Variants in SFMBT1 observed in about 807,000 individuals in gnomAD.
SFMBT1 encodes scm-like with four MBT domains protein 1.
A neutral mutation model predicts 108.7 loss-of-function variants in SFMBT1; 32 were observed. The ratio of observed to expected loss-of-function variants is 0.29; its 90% CI spans 0.22 to 0.40. SFMBT1 has a LOEUF of 0.40. Ranked by LOEUF, SFMBT1 falls within the 10% of genes least tolerant of loss-of-function variation. The pLI, the probability that SFMBT1 is intolerant of heterozygous loss-of-function variation, is 1.00. For missense variants in SFMBT1, 816 were observed against 1,059.6 expected (o/e 0.77, Z 3.19); for synonymous variants, 348 against 369.5 (o/e 0.94, Z 0.67).
intron 1 of SFMBT1, among the ~76,000 whole-genome samples, chr3:52,988,702 C>T (rs1005899426): frequency 3.9e-5 from 6 of 152,056 alleles, no homozygotes; most frequent in East Asian, 3.8e-4. Context: ...AGATGTACTA[C>T]GTAACACATT....
At chr3:53,025,650 G>A (rs1699465785) in intron 1 of SFMBT1, among the ~76,000 whole-genome samples, 1 of 152,042 alleles carries the variant, frequency 6.6e-6, no homozygotes, top group South Asian at 2.1e-4. Flanking sequence ...ACACTGTGAT[G>A]GAAATATTTC....
At chr3:52,921,893 G>A (rs1702530363) in intron 10 of SFMBT1, 62 bp from the exon 11 acceptor site, 2 of 1,549,686 alleles carry the variant, frequency 1.3e-6, no homozygotes, top group Admixed American at 3.4e-5. Flanking sequence ...CACGTGCTCA[G>A]CTAGAAAACC....
At chr3:53,038,134 G>C (rs1575455249) in intron 1 of SFMBT1, among the ~76,000 whole-genome samples, 1 of 152,076 alleles carries the variant, frequency 6.6e-6, no homozygotes, top group Non-Finnish European at 1.5e-5. Context: ...AAATTAGCCA[G>C]GTGCTGGGGC....
intron 1 of SFMBT1, among the ~76,000 whole-genome samples, chr3:52,989,912 A>G (rs1705062461): frequency 6.6e-6 from 1 of 152,258 alleles, no homozygotes; most frequent in Non-Finnish European, 1.5e-5. Flanking sequence ...ACAAGAATTT[A>G]AAACTTCATT....
intron 3 of SFMBT1, among the ~76,000 whole-genome samples, chr3:52,945,247 G>T (rs928466306): frequency 6.6e-6 from 1 of 151,110 alleles, no homozygotes; most frequent in African/African-American, 2.4e-5. Context: ...GTAAGGAAAT[G>T]ATCAAAAAAT....
At chr3:52,962,132 A>C (rs1444723334) in intron 2 of SFMBT1, among the ~76,000 whole-genome samples, 2 of 152,278 alleles carry the variant, frequency 1.3e-5, no homozygotes, top group African/African-American at 4.8e-5. Flanking sequence ...GTGAGGCTGT[A>C]AACAGGTAAA....
intron 17 of SFMBT1, among the ~76,000 whole-genome samples, chr3:52,910,678 G>A (rs552583486): frequency 3.3e-5 from 5 of 152,122 alleles, no homozygotes; most frequent in Admixed American, 6.5e-5. Context: ...TAGTAGAGAC[G>A]GGGTTTCACC....
chr3:53,042,219 T>C (rs1217081891), intron 1 of SFMBT1, among the ~76,000 whole-genome samples: 1 of 152,232 alleles, frequency 6.6e-6, no homozygotes, highest in Non-Finnish European at 1.5e-5. Context: ...CTACAGACTT[T>C]AGAGTTAAAT....
chr3:53,027,434 C>A (rs573402389), intron 1 of SFMBT1, among the ~76,000 whole-genome samples: 1 of 152,240 alleles, frequency 6.6e-6, no homozygotes, highest in African/African-American at 2.4e-5. Flanking sequence ...CCCTAAACCC[C>A]TGGCACCACT....
intron 1 of SFMBT1, among the ~76,000 whole-genome samples, chr3:52,970,674 G>C (rs1175534088): frequency 6.6e-6 from 1 of 152,130 alleles, no homozygotes; most frequent in Admixed American, 6.5e-5. Flanking sequence ...TATTCTGCAG[G>C]ATCAAGCAAT....
chr3:52,973,074 GGGCCCAAT>G (rs1170856091), intron 1 of SFMBT1, among the ~76,000 whole-genome samples: 6 of 152,022 alleles, frequency 3.9e-5, no homozygotes, highest in Admixed American at 6.6e-5. Flanking sequence ...TTATAAGGCT[GGGCCCAAT>G]GGCTCACCCC....
chr3:52,974,401 G>T (rs1704445302), intron 1 of SFMBT1, among the ~76,000 whole-genome samples: 1 of 152,120 alleles, frequency 6.6e-6, no homozygotes, highest in Non-Finnish European at 1.5e-5. Context: ...TATATTTCCT[G>T]TTCCCATTCC....
intron 1 of SFMBT1, among the ~76,000 whole-genome samples, chr3:53,036,166 T>A (rs1322210231): frequency 6.6e-6 from 1 of 152,228 alleles, no homozygotes; most frequent in African/African-American, 2.4e-5. Flanking sequence ...GCTCCATTTA[T>A]GCAGAATCCA....
intron 1 of SFMBT1, among the ~76,000 whole-genome samples, chr3:53,012,311 T>C (rs1698969261): frequency 6.6e-6 from 1 of 151,946 alleles, no homozygotes; most frequent in African/African-American, 2.4e-5. Flanking sequence ...CTGAAGGCCG[T>C]GAATAAGAAG....
chr3:52,918,056 A>G (rs911697198), intron 13 of SFMBT1, among the ~76,000 whole-genome samples: 1 of 152,216 alleles, frequency 6.6e-6, no homozygotes, highest in Non-Finnish European at 1.5e-5. Flanking sequence ...CAGGTATGTT[A>G]CAAACGAAGA....
chr3:52,986,161 A>AG (rs1704908577), intron 1 of SFMBT1, among the ~76,000 whole-genome samples: 3 of 151,212 alleles, frequency 2.0e-5, no homozygotes, highest in Admixed American at 2.0e-4. Flanking sequence ...AAAAAAAAAA[A>AG]AGATAAAAAA....
At chr3:52,967,192 C>T (rs1704177480) in intron 2 of SFMBT1, among the ~76,000 whole-genome samples, 3 of 152,046 alleles carry the variant, frequency 2.0e-5, no homozygotes, top group Admixed American at 2.0e-4. Flanking sequence ...TGAATCCAAA[C>T]ATATCAATAA....
chr3:53,034,312 C>T (rs1699794168), intron 1 of SFMBT1, among the ~76,000 whole-genome samples: 1 of 152,170 alleles, frequency 6.6e-6, no homozygotes, highest in South Asian at 2.1e-4. Context: ...CATGGTAGCT[C>T]ATGCGTATAA....
Position 52,920,667 on chromosome 3 carries a change from A to G in SFMBT1, c.1259-17T>C, listed in dbSNP as rs1036766721. 1.5e-6 allele frequency: 2 copies of G among 1,352,244 alleles called. No homozygotes were observed. Among genetic ancestry groups the G allele is most frequent in the African/African-American group, 3.2e-5 (2 of 62,868 alleles). 83.8% of individuals were successfully genotyped at this position (1,352,244 alleles called of 1,614,324 possible). On this transcript the variant is annotated splice_polypyrimidine_tract_variant and intron_variant, in intron 11 of 20. Transcript: ENST00000394752. ...TCTTAGAACCTGTTTAGATTTAAACAAACAAACAAACAAACAAACAAACCT... is the reference window on the plus strand; with the variant it reads ...TCTTAGAACCTGTTTAGATTTAAACGAACAAACAAACAAACAAACAAACCT...
Sources: gnomAD v4.1 joint callset for allele counts (sites outside exome capture counted in the v4.1 genomes callset) on GRCh38, gnomAD v4.1.1 for gene constraint, MANE v1.5 for transcripts, NCBI Gene and HGNC (gene_info 2026-07-23, HGNC 2026-07-21) for gene names.